The following KCND3 variants were observed in gnomAD, a reference collection of about 807,000 sequenced individuals.
The protein encoded by KCND3 is A-type voltage-gated potassium channel KCND3.
A neutral mutation model predicts 51.1 loss-of-function variants in KCND3; 9 were observed. The ratio of observed to expected loss-of-function variants is 0.18; its 90% CI spans 0.11 to 0.31. The LOEUF is 0.31. Among genes scored for constraint, KCND3 ranks in the 10% least tolerant of loss-of-function variants. The pLI, the probability that KCND3 is intolerant of heterozygous loss-of-function variation, is 1.00. For missense variants in KCND3, 526 were observed against 903.8 expected, an observed-to-expected ratio of 0.58 and a Z score of 5.36; for synonymous variants, 349 against 368.0, an observed-to-expected ratio of 0.95 and a Z score of 0.59.
chr1:111,824,529 G>C (rs1174249748), intron 2 of KCND3, among the ~76,000 whole-genome samples: 2 of 152,214 alleles, frequency 1.3e-5, no homozygotes, highest in Admixed American at 6.5e-5. Context: ...AGGGAGATGA[G>C]CAAGGGTTAA....
chr1:111,909,894 G>A (rs892488803), intron 2 of KCND3: 2 of 152,198 alleles, frequency 1.3e-5, no homozygotes, highest in African/African-American at 4.8e-5. Context: ...CCACCTCATG[G>A]TAAGAACTTC....
At chr1:111,883,190 C>A (rs1173190993) in intron 2 of KCND3, among the ~76,000 whole-genome samples, 6 of 152,260 alleles carry the variant, frequency 3.9e-5, no homozygotes, top group African/African-American at 1.4e-4. Context: ...GTCCTCTAAG[C>A]ACTTGCCACG....
Position 111,898,353 on chromosome 1 carries a change from G to A in KCND3, c.1106+83268C>T, listed in dbSNP as rs75590915. On this transcript the variant is annotated intron_variant, in intron 2 of 7. Transcript: ENST00000302127. The stretch of plus-strand genomic sequence containing the variant: ...CCCACCAGGGTTACCTCCTCCATCT[G>A]CTCCCCCGTGGCTCAGCACCTGTAC... Among the ~76,000 whole-genome samples, 845 of 152,246 alleles carry A rather than the reference G, an allele frequency of 5.6e-3. 7 individuals are homozygous for A. Among genetic ancestry groups the A allele is most frequent in the African/African-American group, 0.02 (816 of 41,528 alleles).
In KCND3 at chr1:111,776,277, G is replaced by A. The variant is rs748519692; in HGVS notation, c.1768C>T (p.Arg590Cys). The change falls in exon 8 of 8, where the codon CGC (arginine) becomes TGC (cysteine). Residue 590 changes from arginine (R) to cysteine (C), a missense_variant and splice_region_variant. Physicochemically the swap from Arg to Cys is radical, Grantham distance 180 (BLOSUM62 -3). Transcript: ENST00000302127. ...TCTGCTTTCAAATTAAGGCTGGAGC[G>A]ACTGGGATAGAAAAGAGTGAGTTGA... ...GSEQPSLTTSRSSLNLKADDG... is the reference protein window; with the variant it reads ...GSEQPSLTTSCSSLNLKADDG... The A allele has an allele frequency of 1.2e-6, 2 of 1,613,500 alleles. No homozygotes were observed. Among genetic ancestry groups the A allele is most frequent in the Non-Finnish European group, 8.5e-7 (1 of 1,179,706 alleles).
intron 2 of KCND3, among the ~76,000 whole-genome samples, chr1:111,950,134 C>T (rs1394934481): frequency 6.6e-6 from 1 of 152,234 alleles, no homozygotes; most frequent in African/African-American, 2.4e-5. Context: ...TGGTCTCAAA[C>T]TCCTCACCTC....
intron 2 of KCND3, among the ~76,000 whole-genome samples, chr1:111,880,773 T>C (rs958591276): frequency 6.6e-6 from 1 of 152,242 alleles, no homozygotes; most frequent in African/African-American, 2.4e-5. Context: ...CTGGTGAATG[T>C]TTCGTTGCAC....
chr1:111,886,311 GCCTTACCTT>G (rs1669570440), intron 2 of KCND3, among the ~76,000 whole-genome samples: 1 of 152,166 alleles, frequency 6.6e-6, no homozygotes, highest in Non-Finnish European at 1.5e-5. Context: ...ACCAAATTCA[GCCTTACCTT>G]CATTTCTGTC....
chr1:111,894,534 A>T (rs1461374939), intron 2 of KCND3, among the ~76,000 whole-genome samples: 1 of 152,120 alleles, frequency 6.6e-6, no homozygotes, highest in Non-Finnish European at 1.5e-5. Flanking sequence ...ACTTGGTCTT[A>T]TTTTTGGCTC....
chr1:111,965,684 T>A (rs908216137), intron 2 of KCND3, among the ~76,000 whole-genome samples: 8 of 152,122 alleles, frequency 5.3e-5, no homozygotes, highest in African/African-American at 1.9e-4. Context: ...ATAGGAAATG[T>A]CCCCAAATTA....
At chr1:111,865,865 CA>C (rs1668537050) in intron 2 of KCND3, among the ~76,000 whole-genome samples, 1 of 152,046 alleles carries the variant, frequency 6.6e-6, no homozygotes, top group African/African-American at 2.4e-5. Flanking sequence ...CCATCATGCC[CA>C]GCTAATTTTT....
intron 2 of KCND3, among the ~76,000 whole-genome samples, chr1:111,801,986 G>A (rs1271018973): frequency 1.1e-4 from 17 of 152,218 alleles, no homozygotes; most frequent in Non-Finnish European, 2.4e-4. Context: ...CTGTGCAGAA[G>A]TCCTTGCTCT....
chr1:111,963,873 C>T (rs2101938968), intron 2 of KCND3, among the ~76,000 whole-genome samples: 1 of 152,360 alleles, frequency 6.6e-6, no homozygotes, highest in Admixed American at 6.5e-5. Context: ...CACACAAGGA[C>T]TTCTTTTTTG....
At chr1:111,840,735 T>C (rs1000203624) in intron 2 of KCND3, among the ~76,000 whole-genome samples, 9 of 152,348 alleles carry the variant, frequency 5.9e-5, no homozygotes, top group Middle Eastern at 3.4e-3. Flanking sequence ...TCCTGCTCCA[T>C]TGTGCTCTGT....
chr1:111,838,740 C>A (rs1667191322), intron 2 of KCND3, among the ~76,000 whole-genome samples: 1 of 152,166 alleles, frequency 6.6e-6, no homozygotes, highest in Non-Finnish European at 1.5e-5. Context: ...AGGCCAAAGA[C>A]AGAGACCTCT....
intron 2 of KCND3, among the ~76,000 whole-genome samples, chr1:111,891,080 A>C (rs1669799893): frequency 6.6e-6 from 1 of 152,180 alleles, no homozygotes; most frequent in Non-Finnish European, 1.5e-5. Context: ...CCAGCTCTCC[A>C]CTTACTAGCC....
chr1:111,882,654 T>C (rs770283538), intron 2 of KCND3, among the ~76,000 whole-genome samples: 7 of 151,558 alleles, frequency 4.6e-5, no homozygotes, highest in Non-Finnish European at 1.0e-4. Flanking sequence ...GTGTGGGGGA[T>C]GGGAGGAGAG....
chr1:111,792,598 ATCCTGGCTC>A (rs1664884769), intron 2 of KCND3, among the ~76,000 whole-genome samples: 1 of 152,132 alleles, frequency 6.6e-6, no homozygotes. Flanking sequence ...CCCAGGGCAA[ATCCTGGCTC>A]TGCCACTTGT....
intron 2 of KCND3, among the ~76,000 whole-genome samples, chr1:111,835,243 T>G (rs1013047023): frequency 7.9e-5 from 12 of 151,978 alleles, no homozygotes; most frequent in African/African-American, 2.7e-4. Flanking sequence ...TGACAATGGG[T>G]GGGTAGGCGG....
In KCND3 at chr1:111,883,012, A is replaced by G. The variant is rs192937222; in HGVS notation, c.1107-95906T>C. 2.0e-5 allele frequency among the ~76,000 whole-genome samples: 3 copies of G among 152,332 alleles called. No homozygotes were observed. In the East Asian group the frequency reaches 5.8e-4, roughly 29 times the overall value. On this transcript the variant is annotated intron_variant, in intron 2 of 7. Coordinates refer to ENST00000302127, the MANE Select transcript of KCND3 (RefSeq NM_001378969.1). ...GAGAGCCTTCCCTCCACTGTTGCCA[A>G]GAGTTAGCCTAAAACAGTTTGGATC...
Sources: allele counts gnomAD v4.1 joint callset (sites outside exome capture counted in the v4.1 genomes callset), GRCh38; gene constraint gnomAD v4.1.1; transcripts MANE v1.5; gene names NCBI Gene and HGNC (gene_info 2026-07-23, HGNC 2026-07-21).